Variants in NDE1 observed in about 807,000 individuals in gnomAD.
The protein encoded by NDE1 is nuclear distribution protein nudE homolog 1.
NDE1 carries 28 observed loss-of-function variants against 43.4 expected under a neutral mutation model. The ratio of observed to expected loss-of-function variants is 0.65; its 90% CI spans 0.48 to 0.89. The LOEUF (loss-of-function observed/expected upper bound fraction) is 0.89. Among genes scored for constraint, NDE1 ranks in the 40% least tolerant of loss-of-function variants. The pLI is 0.00. For synonymous variants in NDE1, 184 were observed against 172.0 expected (o/e 1.07, Z -0.55); for missense variants, 441 against 434.1 (o/e 1.02, Z -0.14).
chr16:15,668,414 G>A (rs1036825756), intron 3 of NDE1, among the ~76,000 whole-genome samples: 3 of 152,158 alleles, frequency 2.0e-5, no homozygotes, highest in Admixed American at 1.3e-4. Context: ...ACAGGCATGC[G>A]GCACCATGCC....
chr16:15,719,303 G>A lies in NDE1; in HGVS notation c.948-4888G>A, dbSNP rs776142323. 20 of 1,610,830 alleles carry A rather than the reference G, an allele frequency of 1.2e-5. No individual in the cohort carries two copies. Among genetic ancestry groups the A allele is most frequent in the East Asian group, 6.7e-5 (3 of 44,888 alleles). On this transcript the variant is annotated intron_variant, in intron 8 of 8. Coordinates refer to ENST00000396354, the MANE Select transcript of NDE1 (RefSeq NM_017668.3). ...GTTTGCGAGCCCTCTCAGCGGCGGCGAGGTCCTAGGTGGGAGGGAGGAAGG... is the reference window on the plus strand; with the variant it reads ...GTTTGCGAGCCCTCTCAGCGGCGGCAAGGTCCTAGGTGGGAGGGAGGAAGG...
intron 6 of NDE1, among the ~76,000 whole-genome samples, chr16:15,691,933 A>G (rs2151122634): frequency 6.6e-6 from 1 of 152,032 alleles, no homozygotes; most frequent in East Asian, 1.9e-4. Context: ...GCCTGGTCAA[A>G]AATCCTCTTG....
intron 8 of NDE1, chr16:15,719,262 T>G: frequency 6.2e-7 from 1 of 1,613,440 alleles, no homozygotes; most frequent in Non-Finnish European, 8.5e-7. Context: ...CAGTTCCTCC[T>G]TCTCGAGGTC....
chr16:15,714,608 A>T, intron 8 of NDE1: 1 of 529,468 alleles, frequency 1.9e-6, no homozygotes, highest in East Asian at 3.3e-5. Context: ...GCAATGAAGG[A>T]GGGGCTGGAG....
chr16:15,687,242 C>G, intron 4 of NDE1, 133 bp from the exon 5 acceptor site: 1 of 1,572,508 alleles, frequency 6.4e-7, no homozygotes. Flanking sequence ...TTGGCCCACT[C>G]TGTGGCATCT....
rs796280897 is a variant in NDE1, at chr16:15,726,292, A to G, written c.*2041A>G. On this transcript the variant is annotated 3_prime_UTR_variant, in exon 9 of 9. Coordinates refer to ENST00000396354, the MANE Select transcript of NDE1 (RefSeq NM_017668.3). ...CTCTTCTTCCTTGCTGTTGGATCTCAGGATTAAGCACAGTGCCTGGCATAC... is the reference window on the plus strand; with the variant it reads ...CTCTTCTTCCTTGCTGTTGGATCTCGGGATTAAGCACAGTGCCTGGCATAC... 1.9e-5 allele frequency: 3 copies of G among 156,592 alleles called. No homozygotes were observed. Among genetic ancestry groups the G allele is most frequent in the African/African-American group, 7.2e-5 (3 of 41,560 alleles). The allele number at this position is 156,592 out of a possible 1,614,324, so 9.7% of individuals were successfully genotyped here. A position where few individuals can be genotyped will look rare whatever the true frequency, so the allele number is the denominator to read the frequency against.
At chr16:15,700,895 G>A (rs1438580123) in intron 8 of NDE1, among the ~76,000 whole-genome samples, 2 of 152,076 alleles carry the variant, frequency 1.3e-5, no homozygotes, top group Non-Finnish European at 2.9e-5. Context: ...GTGGTGTACT[G>A]AAATCATGTC....
intron 8 of NDE1, among the ~76,000 whole-genome samples, chr16:15,700,698 G>A (rs1245010687): frequency 9.2e-5 from 14 of 151,666 alleles, no homozygotes; most frequent in African/African-American, 2.4e-4. Context: ...TGATCCTCCC[G>A]CCTCAGCCTC....
At chr16:15,680,445 T>A (rs916863881) in intron 4 of NDE1, among the ~76,000 whole-genome samples, 1 of 152,220 alleles carries the variant, frequency 6.6e-6, no homozygotes, top group African/African-American at 2.4e-5. Flanking sequence ...ACATTTTACT[T>A]AGAATTTATA....
chr16:15,653,573 C>G (rs914166279), intron 1 of NDE1, among the ~76,000 whole-genome samples: 2 of 152,040 alleles, frequency 1.3e-5, no homozygotes, highest in African/African-American at 4.8e-5. Context: ...TCCTGACTAG[C>G]AGTGCTGGGT....
intron 8 of NDE1, among the ~76,000 whole-genome samples, chr16:15,712,111 C>G (rs749949338): frequency 6.6e-6 from 1 of 152,150 alleles, no homozygotes; most frequent in Non-Finnish European, 1.5e-5. Flanking sequence ...TTGGCAACTT[C>G]ATCATTTTAG....
rs1234772208 is a variant in NDE1, at chr16:15,677,941, A to G, written c.378A>G (p.Arg126=). ...ELEQANDDLE[R]AKRATIMSLE... is the part of the protein sequence containing the mutation. ...AGCAAGCAAATGACGACCTGGAAAG[A>G]GCCAAGCGGTATGGGTGGAAGGGAA... The change falls in exon 4 of 9, where the codon AGA becomes AGG. Residue 126 remains arginine (R), a synonymous_variant. Transcript: ENST00000396354. 1.9e-6 allele frequency: 3 copies of G among 1,613,940 alleles called. No individual in the cohort carries two copies. Among genetic ancestry groups the G allele is most frequent in the Non-Finnish European group, 1.7e-6 (2 of 1,180,034 alleles).
chr16:15,662,934 CCTT>C (rs2037121017), intron 1 of NDE1, among the ~76,000 whole-genome samples: 1 of 152,096 alleles, frequency 6.6e-6, no homozygotes, highest in Non-Finnish European at 1.5e-5. Flanking sequence ...TAGGCCTTGT[CCTT>C]CCTCTGCCTG....
intron 8 of NDE1, among the ~76,000 whole-genome samples, chr16:15,707,238 T>C (rs1014411423): frequency 2.6e-5 from 4 of 152,184 alleles, no homozygotes; most frequent in South Asian, 2.1e-4. Context: ...GGTTTTACCA[T>C]GTTGGCCAGG....
chr16:15,672,749 C>T (rs1247802533), intron 3 of NDE1: 1 of 152,236 alleles, frequency 6.6e-6, no homozygotes, highest in Non-Finnish European at 1.5e-5. Context: ...CTGCGTCCTC[C>T]TGGAGCCTGC....
intron 3 of NDE1, among the ~76,000 whole-genome samples, chr16:15,677,590 G>GA (rs375764516): frequency 0.021 from 2,868 of 136,080 alleles, 91 homozygotes; most frequent in African/African-American, 0.066. Context: ...GGCCTCAAAA[G>GA]AAAAAAAAAA....
chr16:15,710,681 GTTT>G (rs796312900), intron 8 of NDE1, among the ~76,000 whole-genome samples: 3 of 150,914 alleles, frequency 2.0e-5, no homozygotes, highest in East Asian at 1.9e-4. Context: ...GAGGGTTTTT[GTTT>G]TTTGTTTTTT....
chr16:15,714,883 G>T (rs2151191658), intron 8 of NDE1: 1 of 1,612,310 alleles, frequency 6.2e-7, no homozygotes, highest in East Asian at 2.2e-5. Context: ...GAGAGACGGG[G>T]TCCTCCCGGG....
intron 8 of NDE1, among the ~76,000 whole-genome samples, chr16:15,698,384 C>T (rs556986612): frequency 3.3e-5 from 5 of 151,946 alleles, no homozygotes; most frequent in South Asian, 4.2e-4. Flanking sequence ...GGTGATGAAG[C>T]GAGACCTTGT....
Sources: allele counts gnomAD v4.1 joint callset (sites outside exome capture counted in the v4.1 genomes callset), GRCh38; gene constraint gnomAD v4.1.1; transcripts MANE v1.5; gene names NCBI Gene and HGNC (gene_info 2026-07-23, HGNC 2026-07-21).